Variants in SLC9C2 observed in about 807,000 individuals in gnomAD.
SLC9C2 encodes sodium/hydrogen exchanger 11.
Under a neutral mutation model 140.2 loss-of-function variants are expected in SLC9C2, and 75 were observed. That is an observed-to-expected ratio of 0.53 (90% CI 0.44 to 0.65). The LOEUF is 0.65. SLC9C2 is among the 30% of genes least tolerant of loss of function. SLC9C2 has a pLI of 0.00. For synonymous variants in SLC9C2, 375 were observed against 420.9 expected, an observed-to-expected ratio of 0.89 and a Z score of 1.34; for missense variants, 1,074 against 1,331.8, an observed-to-expected ratio of 0.81 and a Z score of 3.01.
At chr1:173,578,810 C>T (rs147528002) in intron 7 of SLC9C2, among the ~76,000 whole-genome samples, 34 of 152,294 alleles carry the variant, frequency 2.2e-4, no homozygotes, top group African/African-American at 7.9e-4. Flanking sequence ...CCAAATTTCC[C>T]CTTTTTATAA....
At chr1:173,521,202 T>G (rs1660781261) in intron 22 of SLC9C2, 99 bp downstream of exon 22, 1 of 659,078 alleles carries the variant, frequency 1.5e-6, no homozygotes, top group African/African-American at 1.9e-5. Flanking sequence ...CATTAAAAAT[T>G]TAAACTTTTT....
chr1:173,515,383 C>T (rs1431048011), intron 23 of SLC9C2, among the ~76,000 whole-genome samples: 1 of 152,102 alleles, frequency 6.6e-6, no homozygotes, highest in Non-Finnish European at 1.5e-5. Flanking sequence ...CTCTAATCTT[C>T]TCTGCATGCC....
intron 4 of SLC9C2, among the ~76,000 whole-genome samples, chr1:173,591,174 T>C (rs948496084): frequency 6.6e-6 from 1 of 152,206 alleles, no homozygotes; most frequent in Non-Finnish European, 1.5e-5. Context: ...GATAATAGCC[T>C]CCAGCTCCAT....
chr1:173,600,010 G>T, intron 3 of SLC9C2, 107 bp downstream of exon 3: 1 of 648,966 alleles, frequency 1.5e-6, no homozygotes, highest in Non-Finnish European at 2.5e-6. Context: ...TTTTTGAGTA[G>T]CTGTTCCCAT....
At chr1:173,520,000 C>T (rs193025509) in intron 22 of SLC9C2, among the ~76,000 whole-genome samples, 65 of 152,100 alleles carry the variant, frequency 4.3e-4, no homozygotes, top group African/African-American at 1.4e-3. Context: ...ATTAGATGGG[C>T]GTGGTGGTGC....
chr1:173,601,385 A>T (rs1014458504), intron 2 of SLC9C2, among the ~76,000 whole-genome samples: 6 of 152,208 alleles, frequency 3.9e-5, no homozygotes, highest in African/African-American at 1.4e-4. Flanking sequence ...TGTGTTTGCC[A>T]ATCTCTCCCA....
chr1:173,524,497 G>C (rs541317960), intron 20 of SLC9C2, among the ~76,000 whole-genome samples: 12 of 152,184 alleles, frequency 7.9e-5, no homozygotes, highest in African/African-American at 2.2e-4. Flanking sequence ...GGCTATTGTG[G>C]GTTCTATAAA....
chr1:173,567,563 T>A (rs2102155259), intron 9 of SLC9C2, among the ~76,000 whole-genome samples: 1 of 152,190 alleles, frequency 6.6e-6, no homozygotes, highest in Non-Finnish European at 1.5e-5. Context: ...AGGTGAAGTG[T>A]TTTTCTTGGA....
intron 9 of SLC9C2, among the ~76,000 whole-genome samples, chr1:173,561,885 ACC>A (rs796946582): frequency 0.032 from 4,841 of 150,296 alleles, 252 homozygotes; most frequent in African/African-American, 0.11. Flanking sequence ...ACACACACAC[ACC>A]CCCAACTGTA....
At chr1:173,578,940 G>A (rs1374468940) in intron 7 of SLC9C2, among the ~76,000 whole-genome samples, 2 of 152,198 alleles carry the variant, frequency 1.3e-5, no homozygotes, top group African/African-American at 4.8e-5. Context: ...GGACTTCAAC[G>A]TCTTTTGGGG....
chr1:173,573,856 T>G (rs1664993584), intron 8 of SLC9C2, among the ~76,000 whole-genome samples: 1 of 152,242 alleles, frequency 6.6e-6, no homozygotes, highest in South Asian at 2.1e-4. Flanking sequence ...AGGCTAACTC[T>G]AATCCCATGT....
intron 23 of SLC9C2, among the ~76,000 whole-genome samples, chr1:173,514,967 T>G (rs966697132): frequency 1.3e-5 from 2 of 152,204 alleles, no homozygotes; most frequent in Admixed American, 1.3e-4. Context: ...TTTAAGAATG[T>G]TGAATATTGG....
intron 5 of SLC9C2, among the ~76,000 whole-genome samples, chr1:173,585,245 C>T (rs932836506): frequency 6.6e-6 from 1 of 152,094 alleles, no homozygotes; most frequent in Non-Finnish European, 1.5e-5. Context: ...TTTGACTGGG[C>T]CAGTCCACTT....
chr1:173,597,430 A>G (rs921022914), intron 4 of SLC9C2, among the ~76,000 whole-genome samples: 1 of 152,120 alleles, frequency 6.6e-6, no homozygotes, highest in African/African-American at 2.4e-5. Flanking sequence ...AAGATGTTAG[A>G]AAGAACAGAA....
rs899668704 is a variant in SLC9C2, at chr1:173,500,464, T to G, written c.*630A>C. 5.3e-5 allele frequency: 8 copies of G among 152,192 alleles called. No homozygotes were observed. Among genetic ancestry groups the G allele is most frequent in the African/African-American group, 1.9e-4 (8 of 41,514 alleles). 9.4% of individuals were successfully genotyped at this position (152,192 alleles called of 1,614,324 possible). Reference sequence around the variant, plus strand: ...AGGAATAATGGGTTCTAATAATAAATAGACAACCATAAAACTCAACTTTAT... The same window carrying G: ...AGGAATAATGGGTTCTAATAATAAAGAGACAACCATAAAACTCAACTTTAT... On this transcript the variant is annotated 3_prime_UTR_variant, in exon 28 of 28. Coordinates refer to ENST00000367714, the MANE Select transcript of SLC9C2 (RefSeq NM_178527.4).
intron 8 of SLC9C2, 51 bp from the exon 9 acceptor site, chr1:173,573,376 T>A (rs1442602989): frequency 7.8e-7 from 1 of 1,286,500 alleles, no homozygotes. Flanking sequence ...CTTAAAAATA[T>A]ATTTTCCTTT....
rs754545316 is a variant in SLC9C2 at position 173,505,340 on chromosome 1, G to A, written c.3226-9C>T. 57 of 1,610,940 alleles carry A rather than the reference G, an allele frequency of 3.5e-5. No individual in the cohort carries two copies. The highest frequency in any genetic ancestry group is 4.8e-5 in the Non-Finnish European group (56 of 1,177,424). On this transcript the variant is annotated splice_polypyrimidine_tract_variant and intron_variant, in intron 25 of 27. Coordinates refer to ENST00000367714, the MANE Select transcript of SLC9C2 (RefSeq NM_178527.4). ...TCAGAAGTTCCCTGAACCTAGAGGA[G>A]AAAAGTCAAAATTAGTCAAAAGAGC...
intron 25 of SLC9C2, among the ~76,000 whole-genome samples, chr1:173,506,348 GC>G (rs1411410063): frequency 6.6e-6 from 1 of 152,156 alleles, no homozygotes; most frequent in Non-Finnish European, 1.5e-5. Context: ...TCCTTCCCAT[GC>G]CCTCTTATGT....
rs911898276 is a variant in SLC9C2, at chr1:173,500,895, TTAAAA to T, written c.*194_*198del. On this transcript the variant is annotated 3_prime_UTR_variant, in exon 28 of 28. Coordinates refer to ENST00000367714, the MANE Select transcript of SLC9C2 (RefSeq NM_178527.4). ...AACATCCCAAATATAATGCAACTAC[TTAAAA>T]TTAAGAAGTTTTACAGAAGTCCATC... 2.3e-6 allele frequency: 1 copy of T among 442,366 alleles called. No individual in the cohort carries two copies. The highest frequency in any genetic ancestry group is 2.0e-5 in the African/African-American group (1 of 48,990). The allele number at this position is 442,366 out of a possible 1,614,324, so 27.4% of individuals were successfully genotyped here.
Sources: gnomAD v4.1 joint callset for allele counts (sites outside exome capture counted in the v4.1 genomes callset) on GRCh38, gnomAD v4.1.1 for gene constraint, MANE v1.5 for transcripts, NCBI Gene and HGNC (gene_info 2026-07-23, HGNC 2026-07-21) for gene names.